Variants in MACROD2 observed in about 807,000 individuals in gnomAD.
The protein encoded by MACROD2 is mono-ADP ribosylhydrolase 2, also known as ADP-ribose glycohydrolase MACROD2.
In MACROD2, 36 loss-of-function variants were observed where a neutral mutation model predicts 70.4. The observed-to-expected ratio is 0.51, with a 90% CI of 0.39 to 0.68. MACROD2 has a LOEUF of 0.68. MACROD2 is among the 30% of genes least tolerant of loss of function. The pLI is 0.00. For missense variants in MACROD2, 496 were observed against 538.4 expected (o/e 0.92, Z 0.78); for synonymous variants, 172 against 178.8 (o/e 0.96, Z 0.30).
chr20:15,205,053 G>A (rs1009446668), intron 5 of MACROD2, among the ~76,000 whole-genome samples: 3 of 152,042 alleles, frequency 2.0e-5, no homozygotes, highest in African/African-American at 4.8e-5. Flanking sequence ...GACACAAATG[G>A]GGACTTACAC....
Position 14,036,204 on chromosome 20 carries a change from T to C in MACROD2, c.163+33800T>C, listed in dbSNP as rs73267367. 3.3e-3 allele frequency among the ~76,000 whole-genome samples: 500 copies of C among 152,266 alleles called. 5 individuals are homozygous for C. The highest frequency in any genetic ancestry group is 0.012 in the African/African-American group (493 of 41,546). ...TAATGAATAAGACACGATTTCTGCC[T>C]TTTTGAATTGTATATGAGGTTAAGT... On this transcript the variant is annotated intron_variant, in intron 2 of 17. Coordinates refer to ENST00000684519, the MANE Select transcript of MACROD2 (RefSeq NM_001351661.2).
At position 15,402,442 on chromosome 20, in the gene MACROD2, A is replaced by C. The variant is rs151189782; in HGVS notation, c.541-28963A>C. Among the ~76,000 whole-genome samples the C allele has an allele frequency of 2.5e-3, 379 of 152,350 alleles. 1 individual carries two copies. Among genetic ancestry groups the C allele is most frequent in the African/African-American group, 8.5e-3 (353 of 41,580 alleles). On this transcript the variant is annotated intron_variant, in intron 6 of 17. Coordinates refer to ENST00000684519, the MANE Select transcript of MACROD2 (RefSeq NM_001351661.2). ...ATATTTTAAATAATAAAATTGTGAA[A>C]AATTTCTCTACTAATGCTCTGGGAA...
intron 5 of MACROD2, among the ~76,000 whole-genome samples, chr20:15,136,409 A>T (rs1038670779): frequency 6.6e-6 from 1 of 152,120 alleles, no homozygotes; most frequent in Non-Finnish European, 1.5e-5. Flanking sequence ...ATAATGCCGC[A>T]TATCTACAAC....
chr20:15,669,823 G>C (rs187290834), intron 8 of MACROD2, among the ~76,000 whole-genome samples: 2 of 152,172 alleles, frequency 1.3e-5, no homozygotes, highest in Non-Finnish European at 2.9e-5. Flanking sequence ...GGGCACAAAG[G>C]GCAGGTGGGA....
chr20:14,788,046 G>A (rs1175255112), intron 5 of MACROD2, among the ~76,000 whole-genome samples: 2 of 152,036 alleles, frequency 1.3e-5, no homozygotes, highest in Non-Finnish European at 2.9e-5. Context: ...CAAAAAGTGT[G>A]TATTTTCTAA....
chr20:15,760,302 C>G (rs6131696), intron 8 of MACROD2, among the ~76,000 whole-genome samples: 6 of 152,142 alleles, frequency 3.9e-5, no homozygotes, highest in Non-Finnish European at 7.4e-5. Flanking sequence ...CAGCCACTTA[C>G]GCAAAGGGAA....
At position 14,581,175 on chromosome 20, in the gene MACROD2, C is replaced by T. The variant is rs568605900; in HGVS notation, c.301+87667C>T. Among the ~76,000 whole-genome samples, 3 of 152,286 alleles carry T rather than the reference C, an allele frequency of 2.0e-5. No individual in the cohort carries two copies. In the East Asian group the frequency reaches 5.8e-4, roughly 29 times the overall value. Reference sequence around the variant, plus strand: ...AAGGAAAAACACTTTGGATTATAGTCCCCATTAGTACTTAAAACACTCTTG... The same window carrying T: ...AAGGAAAAACACTTTGGATTATAGTTCCCATTAGTACTTAAAACACTCTTG... On this transcript the variant is annotated intron_variant, in intron 4 of 17. Coordinates refer to ENST00000684519, the MANE Select transcript of MACROD2 (RefSeq NM_001351661.2).
intron 3 of MACROD2, among the ~76,000 whole-genome samples, chr20:14,311,347 C>T (rs955998481): frequency 1.3e-5 from 2 of 152,094 alleles, no homozygotes; most frequent in African/African-American, 4.8e-5. Flanking sequence ...ACATGCGGTA[C>T]AGGTTTGCAG....
At chr20:15,139,782 G>C (rs991438742) in intron 5 of MACROD2, among the ~76,000 whole-genome samples, 2 of 152,192 alleles carry the variant, frequency 1.3e-5, no homozygotes, top group African/African-American at 2.4e-5. Flanking sequence ...ATCTGAGACT[G>C]TTTGGGAAAA....
chr20:14,304,124 A>G (rs187371083), intron 3 of MACROD2, among the ~76,000 whole-genome samples: 17 of 152,298 alleles, frequency 1.1e-4, no homozygotes, highest in African/African-American at 3.6e-4. Flanking sequence ...GCAAACTTTC[A>G]TGTCATCATA....
At chr20:15,718,430 A>G (rs192915156) in intron 8 of MACROD2, among the ~76,000 whole-genome samples, 4 of 152,330 alleles carry the variant, frequency 2.6e-5, no homozygotes, top group African/African-American at 7.2e-5. Context: ...TGACAATTGC[A>G]TTTTTACATA....
intron 2 of MACROD2, among the ~76,000 whole-genome samples, chr20:14,040,800 C>T (rs2053380027): frequency 6.6e-6 from 1 of 152,178 alleles, no homozygotes; most frequent in African/African-American, 2.4e-5. Context: ...CATTATGGAA[C>T]CACTGTTGCA....
intron 8 of MACROD2, among the ~76,000 whole-genome samples, chr20:15,697,770 A>G (rs1279344071): frequency 1.3e-5 from 2 of 152,060 alleles, no homozygotes; most frequent in Non-Finnish European, 2.9e-5. Flanking sequence ...GGATAGTGAT[A>G]TTTTCCTGTT....
chr20:15,050,504 T>C (rs549072088), intron 5 of MACROD2, among the ~76,000 whole-genome samples: 1 of 151,354 alleles, frequency 6.6e-6, no homozygotes, highest in South Asian at 2.1e-4. Flanking sequence ...TGTTTAACAC[T>C]GTTGTCTTTT....
chr20:14,163,362 C>T lies in MACROD2; in HGVS notation c.271+77634C>T, dbSNP rs185031730. 7.2e-5 allele frequency among the ~76,000 whole-genome samples: 11 copies of T among 151,988 alleles called. No individual in the cohort carries two copies. In the East Asian group the frequency reaches 2.1e-3, roughly 29 times the overall value. ...TTTATAAATGATTAGATACTTTTTT[C>T]TTGCTGTTTTTGGAATTTTCTCTTT... On this transcript the variant is annotated intron_variant, in intron 3 of 17. Coordinates refer to ENST00000684519, the MANE Select transcript of MACROD2 (RefSeq NM_001351661.2).
At chr20:14,759,915 T>C (rs562220333) in intron 5 of MACROD2, among the ~76,000 whole-genome samples, 2 of 152,134 alleles carry the variant, frequency 1.3e-5, no homozygotes, top group Admixed American at 6.5e-5. Flanking sequence ...CCCTTTCAAC[T>C]TAAAAATTAA....
chr20:14,125,410 G>A (rs997675816), intron 3 of MACROD2, among the ~76,000 whole-genome samples: 1 of 152,096 alleles, frequency 6.6e-6, no homozygotes, highest in Non-Finnish European at 1.5e-5. Context: ...GACTAATCTT[G>A]TATAATTTCA....
At chr20:15,691,836 C>G (rs2050302977) in intron 8 of MACROD2, among the ~76,000 whole-genome samples, 1 of 152,172 alleles carries the variant, frequency 6.6e-6, no homozygotes, top group African/African-American at 2.4e-5. Flanking sequence ...TGTCATTGAG[C>G]ATGTAATGAC....
At chr20:14,395,620 T>A (rs1158916447) in intron 3 of MACROD2, among the ~76,000 whole-genome samples, 2 of 152,142 alleles carry the variant, frequency 1.3e-5, no homozygotes, top group Non-Finnish European at 2.9e-5. Context: ...TTTATTTTCT[T>A]CTGCTCATTT....
Sources: allele counts gnomAD v4.1 joint callset (sites outside exome capture counted in the v4.1 genomes callset), GRCh38; gene constraint gnomAD v4.1.1; transcripts MANE v1.5; gene names NCBI Gene and HGNC (gene_info 2026-07-23, HGNC 2026-07-21).